The following PLEKHM3 variants were observed in gnomAD, a reference collection of about 807,000 sequenced individuals.
The protein encoded by PLEKHM3 is pleckstrin homology domain-containing family M member 3.
In PLEKHM3, 45 loss-of-function variants were observed where a neutral mutation model predicts 81.8. The ratio of observed to expected loss-of-function variants is 0.55; its 90% CI spans 0.43 to 0.71. The LOEUF (loss-of-function observed/expected upper bound fraction) is 0.71, where lower values mean the gene tolerates loss of function less well. PLEKHM3 is among the 30% of genes least tolerant of loss of function. The probability of loss-of-function intolerance (pLI) is 0.00; values close to 1 mark genes in which losing one functional copy is unlikely to be tolerated. For missense variants in PLEKHM3, 788 were observed against 924.3 expected, an observed-to-expected ratio of 0.85 and a Z score of 1.91; for synonymous variants, 352 against 356.4, an observed-to-expected ratio of 0.99 and a Z score of 0.14.
chr2:207,832,589 C>T (rs1490184574), intron 7 of PLEKHM3, among the ~76,000 whole-genome samples: 2 of 151,318 alleles, frequency 1.3e-5, no homozygotes, highest in Middle Eastern at 3.4e-3. Flanking sequence ...GTCAGGAGTT[C>T]GAGACCATCC....
intron 3 of PLEKHM3, among the ~76,000 whole-genome samples, chr2:207,947,897 A>C (rs1249968783): frequency 6.6e-6 from 1 of 152,234 alleles, no homozygotes; most frequent in African/African-American, 2.4e-5. Context: ...TTTCATTTTC[A>C]TCACAAATAC....
At chr2:207,972,061 T>A (rs1187302347) in intron 3 of PLEKHM3, among the ~76,000 whole-genome samples, 4 of 152,246 alleles carry the variant, frequency 2.6e-5, no homozygotes, top group African/African-American at 9.6e-5. Context: ...CTGATGTGAT[T>A]ATTTGATTCA....
chr2:207,893,245 G>A (rs912018934), intron 6 of PLEKHM3, among the ~76,000 whole-genome samples: 1 of 152,220 alleles, frequency 6.6e-6, no homozygotes, highest in Non-Finnish European at 1.5e-5. Flanking sequence ...TGGCCAAAAT[G>A]TACCATTGTG....
At chr2:207,954,603 T>G (rs2105984291) in intron 3 of PLEKHM3, among the ~76,000 whole-genome samples, 1 of 152,264 alleles carries the variant, frequency 6.6e-6, no homozygotes, top group Non-Finnish European at 1.5e-5. Flanking sequence ...TAAAATCAAT[T>G]CAGATTAGAA....
intron 5 of PLEKHM3, among the ~76,000 whole-genome samples, chr2:207,924,657 C>A (rs928862464): frequency 6.6e-6 from 1 of 152,120 alleles, no homozygotes; most frequent in South Asian, 2.1e-4. Context: ...TGCACTCCAA[C>A]CTGGGTGACA....
chr2:208,004,418 A>T (rs1403081769), intron 1 of PLEKHM3, among the ~76,000 whole-genome samples: 7 of 27,102 alleles, frequency 2.6e-4, no homozygotes, highest in Non-Finnish European at 5.2e-4. Flanking sequence ...GCCCTGTCTC[A>T]AAAAAAAAAA....
chr2:207,934,323 A>G (rs924078610), intron 4 of PLEKHM3, among the ~76,000 whole-genome samples: 4 of 152,178 alleles, frequency 2.6e-5, no homozygotes, highest in Non-Finnish European at 5.9e-5. Context: ...TTCAGCTGAT[A>G]GTCAGGTGCA....
At chr2:207,885,187 A>G (rs530852343) in intron 6 of PLEKHM3, among the ~76,000 whole-genome samples, 22 of 152,094 alleles carry the variant, frequency 1.4e-4, no homozygotes, top group African/African-American at 4.8e-4. Flanking sequence ...ACTAGTTTCT[A>G]CTCTCTTCCT....
At chr2:207,956,746 T>TG (rs71036965) in intron 3 of PLEKHM3, among the ~76,000 whole-genome samples, 1 of 137,728 alleles carries the variant, frequency 7.3e-6, no homozygotes, top group Non-Finnish European at 1.5e-5. Flanking sequence ...TTTTTTTTTT[T>TG]GCAGAGACCC....
At chr2:207,860,517 T>C (rs1033076969) in intron 7 of PLEKHM3, among the ~76,000 whole-genome samples, 2 of 152,206 alleles carry the variant, frequency 1.3e-5, no homozygotes, top group African/African-American at 4.8e-5. Context: ...AAGTAATATG[T>C]ATCATTTTGT....
intron 4 of PLEKHM3, among the ~76,000 whole-genome samples, chr2:207,939,917 G>A (rs1004238869): frequency 5.3e-5 from 8 of 152,202 alleles, no homozygotes; most frequent in Non-Finnish European, 1.0e-4. Context: ...CTTAGGCAGC[G>A]TAGGTGTGGC....
intron 1 of PLEKHM3, among the ~76,000 whole-genome samples, chr2:208,015,650 T>C (rs893645858): frequency 2.2e-4 from 33 of 152,216 alleles, no homozygotes; most frequent in Non-Finnish European, 1.2e-4. Flanking sequence ...AAGAGTATAA[T>C]AACTGTGACT....
intron 2 of PLEKHM3, among the ~76,000 whole-genome samples, chr2:207,999,292 A>C (rs1161879046): frequency 6.6e-6 from 1 of 151,764 alleles, no homozygotes; most frequent in African/African-American, 2.4e-5. Context: ...CTTAATATCT[A>C]ATCAGTCATC....
chr2:207,912,060 G>C (rs1386879608), intron 5 of PLEKHM3, among the ~76,000 whole-genome samples: 1 of 152,188 alleles, frequency 6.6e-6, no homozygotes, highest in Non-Finnish European at 1.5e-5. Context: ...CACTTACTGA[G>C]TGTCTAAAAT....
intron 2 of PLEKHM3, among the ~76,000 whole-genome samples, chr2:207,982,185 T>C (rs911005895): frequency 6.6e-6 from 1 of 151,986 alleles, no homozygotes; most frequent in Non-Finnish European, 1.5e-5. Context: ...TTGTGATTTA[T>C]TTATTTCCTT....
In PLEKHM3 at chr2:207,908,527, G is replaced by A. The variant is rs1688699056; in HGVS notation, c.1937C>T (p.Ala646Val). The change falls in exon 6 of 8, where the codon GCC (alanine) becomes GTC (valine). Residue 646 changes from alanine (A) to valine (V), a missense_variant. Transcript: ENST00000427836. ...CTGAGCACTTACCTGCTGCAGGTCG[G>A]CAAGTGAATACAGGTGGATCTGTTG... ...LLQQIHLYSL[A>V]DLQQVIEGKL... 6 of 1,612,118 alleles carry A rather than the reference G, an allele frequency of 3.7e-6. No individual in the cohort carries two copies. Among genetic ancestry groups the A allele is most frequent in the Non-Finnish European group, 5.1e-6 (6 of 1,179,460 alleles).
At chr2:207,902,492 T>C (rs1688465616) in intron 6 of PLEKHM3, among the ~76,000 whole-genome samples, 1 of 152,304 alleles carries the variant, frequency 6.6e-6, no homozygotes, top group South Asian at 2.1e-4. Context: ...TTCCAACAAA[T>C]GCTGAGGTCA....
intron 3 of PLEKHM3, among the ~76,000 whole-genome samples, chr2:207,961,857 A>G (rs1690745718): frequency 6.6e-6 from 1 of 152,254 alleles, no homozygotes; most frequent in Non-Finnish European, 1.5e-5. Flanking sequence ...ATGAGGGAAC[A>G]GGGCAAGTAG....
chr2:207,895,749 C>T (rs551817230), intron 6 of PLEKHM3, among the ~76,000 whole-genome samples: 1 of 152,328 alleles, frequency 6.6e-6, no homozygotes, highest in South Asian at 2.1e-4. Context: ...TTACCTTCTG[C>T]ATGTTCTTAC....
Sources: allele counts gnomAD v4.1 joint callset (sites outside exome capture counted in the v4.1 genomes callset), GRCh38; gene constraint gnomAD v4.1.1; transcripts MANE v1.5; gene names NCBI Gene and HGNC (gene_info 2026-07-23, HGNC 2026-07-21).